The following ADK variants were observed in gnomAD, a reference collection of about 807,000 sequenced individuals.
The protein encoded by ADK is N6,N6-dimethyladenosine kinase.
In ADK, 24 loss-of-function variants were observed where a neutral mutation model predicts 44.7. The ratio of observed to expected loss-of-function variants is 0.54; its 90% CI spans 0.39 to 0.76. ADK has a LOEUF of 0.76. ADK is among the 30% of genes least tolerant of loss of function. The probability of loss-of-function intolerance (pLI) is 0.00; values close to 1 mark genes in which losing one functional copy is unlikely to be tolerated. For synonymous variants in ADK, 128 were observed against 142.6 expected (o/e 0.90, Z 0.73); for missense variants, 321 against 425.1 (o/e 0.76, Z 2.15).
At chr10:74,553,079 G>A (rs1471284695) in intron 7 of ADK, among the ~76,000 whole-genome samples, 1 of 149,822 alleles carries the variant, frequency 6.7e-6, no homozygotes. Context: ...GATCCAGCAA[G>A]TCATTTACCT....
intron 7 of ADK, among the ~76,000 whole-genome samples, chr10:74,544,556 A>G (rs1160878632): frequency 6.6e-6 from 1 of 152,198 alleles, no homozygotes; most frequent in African/African-American, 2.4e-5. Flanking sequence ...ATGAAAGCAC[A>G]GATAAAATTT....
At chr10:74,543,591 C>T (rs1434053299) in intron 7 of ADK, among the ~76,000 whole-genome samples, 1 of 152,192 alleles carries the variant, frequency 6.6e-6, no homozygotes, top group East Asian at 1.9e-4. Context: ...TTAGATGTTG[C>T]TAAATTCCTC....
intron 10 of ADK, among the ~76,000 whole-genome samples, chr10:74,692,130 A>C (rs1025500783): frequency 6.6e-6 from 1 of 152,218 alleles, no homozygotes; most frequent in African/African-American, 2.4e-5. Flanking sequence ...ATCTTTCACT[A>C]GGTGAATGGA....
At chr10:74,310,029 CA>C (rs2131788459) in intron 3 of ADK, among the ~76,000 whole-genome samples, 1 of 151,814 alleles carries the variant, frequency 6.6e-6, no homozygotes, top group Non-Finnish European at 1.5e-5. Flanking sequence ...TATAATATTA[CA>C]AAGTTTATTA....
intron 4 of ADK, among the ~76,000 whole-genome samples, chr10:74,358,856 C>A (rs1432038539): frequency 6.6e-6 from 1 of 152,070 alleles, no homozygotes; most frequent in Admixed American, 6.6e-5. Flanking sequence ...TTAAATGATA[C>A]TCTGAGTCAT....
intron 2 of ADK, among the ~76,000 whole-genome samples, chr10:74,210,748 T>G (rs1843783014): frequency 1.3e-5 from 2 of 152,114 alleles, no homozygotes; most frequent in Non-Finnish European, 1.5e-5. Context: ...ATTTATTTCT[T>G]CTACAAATGG....
At chr10:74,451,431 T>C (rs892703644) in intron 6 of ADK, among the ~76,000 whole-genome samples, 2 of 152,132 alleles carry the variant, frequency 1.3e-5, no homozygotes, top group African/African-American at 2.4e-5. Flanking sequence ...CTGAGTTCTT[T>C]CCTAGGGAGC....
intron 3 of ADK, among the ~76,000 whole-genome samples, chr10:74,239,413 C>A (rs749248375): frequency 2.6e-5 from 4 of 151,976 alleles, no homozygotes; most frequent in Non-Finnish European, 5.9e-5. Context: ...GTCAGTCAAC[C>A]TTGTAGAAAG....
chr10:74,652,267 C>T (rs112297717), intron 9 of ADK, among the ~76,000 whole-genome samples: 4,839 of 150,960 alleles, frequency 0.032, 286 homozygotes, highest in African/African-American at 0.11. Context: ...TGGTCTCGAA[C>T]TCTTGACCTC....
chr10:74,425,936 A>T (rs1186283125), intron 6 of ADK, among the ~76,000 whole-genome samples: 1 of 152,176 alleles, frequency 6.6e-6, no homozygotes, highest in Non-Finnish European at 1.5e-5. Flanking sequence ...GTTTGTAAGT[A>T]TAATGTATTA....
chr10:74,330,646 C>T (rs1200245832), intron 4 of ADK, among the ~76,000 whole-genome samples: 4 of 152,148 alleles, frequency 2.6e-5, no homozygotes, highest in Admixed American at 6.5e-5. Context: ...ATGGGGAATT[C>T]AACTGCTATG....
intron 5 of ADK, among the ~76,000 whole-genome samples, chr10:74,396,210 G>C (rs1361278908): frequency 6.6e-6 from 1 of 152,144 alleles, no homozygotes; most frequent in African/African-American, 2.4e-5. Context: ...GTTTTGGATA[G>C]GTCCAGTAAC....
chr10:74,557,423 T>C (rs183416055), intron 7 of ADK, among the ~76,000 whole-genome samples: 88 of 152,312 alleles, frequency 5.8e-4, no homozygotes, highest in African/African-American at 1.9e-3. Context: ...AGAGATGTTA[T>C]TGTAATCTTA....
chr10:74,542,419 A>G (rs1328849074), intron 7 of ADK, among the ~76,000 whole-genome samples: 2 of 152,228 alleles, frequency 1.3e-5, no homozygotes, highest in African/African-American at 4.8e-5. Flanking sequence ...AGAGCTCAAT[A>G]TCTGTGTACA....
Position 74,433,768 on chromosome 10 carries a change from A to G in ADK, c.555+35189A>G, listed in dbSNP as rs1252912780. The stretch of plus-strand genomic sequence containing the variant: ...TGTTGACTTGTCAAAGTTGATTCAT[A>G]TGAGAGTAACAGTGTTAAAATCTGA... On this transcript the variant is annotated intron_variant, in intron 6 of 10. Transcript: ENST00000539909. 5.3e-5 allele frequency among the ~76,000 whole-genome samples: 8 copies of G among 152,178 alleles called. No homozygotes were observed. The East Asian group carries it at 5.8e-4, about 11-fold the overall frequency.
chr10:74,615,529 C>T (rs1053272276), intron 9 of ADK, among the ~76,000 whole-genome samples: 8 of 152,092 alleles, frequency 5.3e-5, no homozygotes, highest in Admixed American at 1.3e-4. Flanking sequence ...TTTTATGAGA[C>T]GGCACTAATT....
chr10:74,576,852 G>A (rs888728765), intron 7 of ADK, among the ~76,000 whole-genome samples: 1 of 152,064 alleles, frequency 6.6e-6, no homozygotes, highest in Non-Finnish European at 1.5e-5. Flanking sequence ...CCACAAGCAG[G>A]CACTAAGGTT....
At chr10:74,652,617 G>A (rs894357827) in intron 9 of ADK, among the ~76,000 whole-genome samples, 3 of 151,590 alleles carry the variant, frequency 2.0e-5, no homozygotes, top group Admixed American at 6.6e-5. Context: ...AAAATTAGCC[G>A]GCTGTAGTGG....
chr10:74,330,005 T>TA (rs35167424), intron 4 of ADK, among the ~76,000 whole-genome samples: 50 of 147,318 alleles, frequency 3.4e-4, no homozygotes, highest in East Asian at 2.8e-3. Context: ...CTACAAATAA[T>TA]AAAAAAAAAA....
Sources: gnomAD v4.1 joint callset for allele counts (sites outside exome capture counted in the v4.1 genomes callset) on GRCh38, gnomAD v4.1.1 for gene constraint, MANE v1.5 for transcripts, NCBI Gene and HGNC (gene_info 2026-07-23, HGNC 2026-07-21) for gene names.